SLC6A17: variants seen among roughly 807,000 people sequenced by gnomAD.
SLC6A17 encodes sodium-dependent neutral amino acid transporter SLC6A17.
Under a neutral mutation model 64.5 loss-of-function variants are expected in SLC6A17, and 21 were observed. That is an observed-to-expected ratio of 0.33 (90% CI 0.23 to 0.47). SLC6A17 has a LOEUF of 0.47. Ranked by LOEUF, SLC6A17 falls within the 20% of genes least tolerant of loss-of-function variation. The pLI, the probability that SLC6A17 is intolerant of heterozygous loss-of-function variation, is 1.00. For missense variants in SLC6A17, 682 were observed against 963.2 expected (o/e 0.71, Z 3.86); for synonymous variants, 372 against 399.5 (o/e 0.93, Z 0.82).
chr1:110,181,350 A>G (rs1452765823), intron 6 of SLC6A17, among the ~76,000 whole-genome samples: 3 of 152,280 alleles, frequency 2.0e-5, no homozygotes, highest in Non-Finnish European at 4.4e-5. Flanking sequence ...CAAAATGATC[A>G]GTGTACAATG....
chr1:110,192,344 G>A lies in SLC6A17; in HGVS notation c.1106+131G>A. On this transcript the variant is annotated intron_variant, in intron 7 of 11. Coordinates refer to ENST00000331565, the MANE Select transcript of SLC6A17 (RefSeq NM_001010898.4). This position sits in a 1 kb window ranked among gnomAD's most constrained non-coding sequence, Gnocchi z 4.3. ...TCAGACTGAGGAATGGAGATCAGAG[G>A]AGCACTCTCTGTCCCCAGCTCCGGG... 6.8e-7 allele frequency: 1 copy of A among 1,473,270 alleles called. No homozygotes were observed. Among genetic ancestry groups the A allele is most frequent in the Non-Finnish European group, 9.2e-7 (1 of 1,088,346 alleles). The allele number at this position is 1,473,270 out of a possible 1,614,324, so 91.3% of individuals were successfully genotyped here.
chr1:110,189,595 G>A (rs1656774775), intron 6 of SLC6A17, among the ~76,000 whole-genome samples: 1 of 152,034 alleles, frequency 6.6e-6, no homozygotes, highest in South Asian at 2.1e-4. Flanking sequence ...TGGCTTCTTG[G>A]GTTAGGTGCT....
At chr1:110,155,669 A>C (rs1655737098) in intron 1 of SLC6A17, among the ~76,000 whole-genome samples, 1 of 152,176 alleles carries the variant, frequency 6.6e-6, no homozygotes, top group African/African-American at 2.4e-5. Context: ...GAGCCTACCT[A>C]GCAGTTTATT....
At chr1:110,188,017 T>A (rs1412819282) in intron 6 of SLC6A17, among the ~76,000 whole-genome samples, 1 of 152,270 alleles carries the variant, frequency 6.6e-6, no homozygotes, top group Non-Finnish European at 1.5e-5. Flanking sequence ...AGAACTCACT[T>A]GGAAGCAAAA....
chr1:110,179,582 TC>T lies in SLC6A17; in HGVS notation c.864+2844del, dbSNP rs376858381. ...TTCCTTTCTTTTTTGAGTTGGAGTT[TC>T]ACTCTTGTTGCCCAGTCTGAAGTGC... On this transcript the variant is annotated intron_variant, in intron 6 of 11. Transcript: ENST00000331565. 5.9e-3 allele frequency among the ~76,000 whole-genome samples: 814 copies of T among 139,004 alleles called. 10 individuals are homozygous for T. Among genetic ancestry groups the T allele is most frequent in the African/African-American group, 0.021 (774 of 36,726 alleles). 91.2% of individuals were successfully genotyped at this position (139,004 alleles called of 152,430 possible). A position where few individuals can be genotyped will look rare whatever the true frequency, so the allele number is the denominator to read the frequency against.
chr1:110,176,740 G>T lies in SLC6A17; in HGVS notation c.864+1G>T. ...CATCCTACACATGTTCACTCCCAAG[G>T]TAAGGGTTTGGGGCTCCCACATGCC... On this transcript the variant is annotated splice_donor_variant, in intron 6 of 11. Transcript: ENST00000331565. LOFTEE classifies it high-confidence loss of function. The T allele has an allele frequency of 6.2e-7, 1 of 1,612,142 alleles. No individual in the cohort carries two copies. The highest frequency in any genetic ancestry group is 1.3e-5 in the African/African-American group (1 of 75,022).
intron 6 of SLC6A17, among the ~76,000 whole-genome samples, chr1:110,184,622 A>G (rs1286110202): frequency 6.6e-6 from 1 of 152,182 alleles, no homozygotes; most frequent in Non-Finnish European, 1.5e-5. Context: ...GCAGTGTGCC[A>G]GGAGCTCTGG....
At position 110,199,679 on chromosome 1, in the gene SLC6A17, GCAAGGGCTGGTCTT is replaced by G. The variant is rs1657067108; in HGVS notation, c.*1238_*1251del. 3.0e-6 allele frequency: 1 copy of G among 331,316 alleles called. No homozygotes were observed. The highest frequency in any genetic ancestry group is 2.1e-5 in the African/African-American group (1 of 47,168). The allele number at this position is 331,316 out of a possible 1,614,324, so 20.5% of individuals were successfully genotyped here. ...CTGTGGACAGTAGAGGCTGCCAAAG[GCAAGGGCTGGTCTT>G]CAGGATGGAGGCCAGCCTGTGCAGA... On this transcript the variant is annotated 3_prime_UTR_variant, in exon 12 of 12. Transcript: ENST00000331565.
At chr1:110,153,828 T>C (rs1363797326) in intron 1 of SLC6A17, among the ~76,000 whole-genome samples, 5 of 152,194 alleles carry the variant, frequency 3.3e-5, no homozygotes, top group Non-Finnish European at 5.9e-5. Context: ...AGTTATCACT[T>C]GCTCCCAGGC....
chr1:110,159,281 T>C (rs1655837873), intron 1 of SLC6A17, among the ~76,000 whole-genome samples: 1 of 152,168 alleles, frequency 6.6e-6, no homozygotes, highest in Admixed American at 6.5e-5. Context: ...GGGGGGGTGC[T>C]TTCTGGGGCT....
chr1:110,175,850 A>G (rs1032737200), intron 5 of SLC6A17, among the ~76,000 whole-genome samples: 1 of 152,182 alleles, frequency 6.6e-6, no homozygotes, highest in African/African-American at 2.4e-5. Flanking sequence ...GTATGAACGC[A>G]TTTGGTCCAC....
At position 110,180,258 on chromosome 1, in the gene SLC6A17, G is replaced by A. The variant is rs576123958; in HGVS notation, c.864+3519G>A. On this transcript the variant is annotated intron_variant, in intron 6 of 11. Coordinates refer to ENST00000331565, the MANE Select transcript of SLC6A17 (RefSeq NM_001010898.4). ...TGGCTGAAGGCCAGGTGGCAAGAGT[G>A]GAGGGTTAAATAGAAACGTCCCCTA... 2.8e-3 allele frequency among the ~76,000 whole-genome samples: 429 copies of A among 152,330 alleles called. 4 individuals are homozygous for A. The highest frequency in any genetic ancestry group is 5.3e-3 in the Non-Finnish European group (362 of 68,032).
intron 6 of SLC6A17, among the ~76,000 whole-genome samples, chr1:110,186,383 T>G (rs1183421280): frequency 1.4e-5 from 2 of 147,684 alleles, no homozygotes; most frequent in African/African-American, 5.1e-5. Context: ...AATTTGGGTC[T>G]CACAGGTAGT....
rs1470657987 is a variant in SLC6A17, at chr1:110,176,676, C to T, written c.801C>T (p.Phe267=). The T allele has an allele frequency of 1.9e-6, 3 of 1,613,968 alleles. No individual in the cohort carries two copies. Among genetic ancestry groups the T allele is most frequent in the Non-Finnish European group, 2.5e-6 (3 of 1,179,986 alleles). Reference sequence around the variant, plus strand: ...TCCCCTACGTGGTGCTGGCCTGCTTCCTGGTCCGGGGGCTGTTGCTGCGAG... The same window carrying T: ...TCCCCTACGTGGTGCTGGCCTGCTTTCTGGTCCGGGGGCTGTTGCTGCGAG... ...SLFPYVVLAC[F]LVRGLLLRGA... The change falls in exon 6 of 12, where the codon TTC becomes TTT. Residue 267 remains phenylalanine (F), a synonymous_variant. Transcript: ENST00000331565.
intron 1 of SLC6A17, among the ~76,000 whole-genome samples, chr1:110,164,453 T>C (rs1218778087): frequency 1.3e-5 from 2 of 152,216 alleles, no homozygotes; most frequent in East Asian, 1.9e-4. Flanking sequence ...CCTCAAGCTT[T>C]AATTTCTGAG....
rs548829320 is a variant in SLC6A17 at position 110,199,779 on chromosome 1, G to A, written c.*1335G>A. 113 of 395,480 alleles carry A rather than the reference G, an allele frequency of 2.9e-4. No individual in the cohort carries two copies. Among genetic ancestry groups the A allele is most frequent in the African/African-American group, 2.2e-3 (107 of 48,706 alleles). The allele number at this position is 395,480 out of a possible 1,614,324, so 24.5% of individuals were successfully genotyped here. A position where few individuals can be genotyped will look rare whatever the true frequency, so the allele number is the denominator to read the frequency against. On this transcript the variant is annotated 3_prime_UTR_variant, in exon 12 of 12. Coordinates refer to ENST00000331565, the MANE Select transcript of SLC6A17 (RefSeq NM_001010898.4). Reference sequence around the variant, plus strand: ...TACCTTCAGGGCCTCCTCTGGAAGAGAACCCATTCTCAGAGTGCAGCCAGG... The same window carrying A: ...TACCTTCAGGGCCTCCTCTGGAAGAAAACCCATTCTCAGAGTGCAGCCAGG...
At chr1:110,179,701 GC>G in intron 6 of SLC6A17, among the ~76,000 whole-genome samples, 1 of 152,008 alleles carries the variant, frequency 6.6e-6, no homozygotes, top group Non-Finnish European at 1.5e-5. Context: ...TGACAGGCAT[GC>G]GCCACCACAC....
chr1:110,153,424 A>G (rs1185033649), intron 1 of SLC6A17, among the ~76,000 whole-genome samples: 1 of 151,894 alleles, frequency 6.6e-6, no homozygotes, highest in East Asian at 1.9e-4. Flanking sequence ...CTGAGCTAAG[A>G]TGTGTGTGCC....
intron 5 of SLC6A17, among the ~76,000 whole-genome samples, chr1:110,176,413 G>A (rs964260035): frequency 6.6e-6 from 1 of 152,106 alleles, no homozygotes; most frequent in South Asian, 2.1e-4. Context: ...AACCAACCCC[G>A]GGCACAGCCA....
Sources: allele counts gnomAD v4.1 joint callset (sites outside exome capture counted in the v4.1 genomes callset), GRCh38; gene constraint gnomAD v4.1.1; non-coding constraint Gnocchi (gnomAD v3.1); transcripts MANE v1.5; gene names NCBI Gene and HGNC (gene_info 2026-07-23, HGNC 2026-07-21).